Variants in LRGUK observed in about 807,000 individuals in gnomAD.
LRGUK encodes the protein leucine rich repeats and guanylate kinase domain containing, also known as leucine-rich repeat and guanylate kinase domain-containing protein.
LRGUK carries 65 observed loss-of-function variants against 76.0 expected under a neutral mutation model. The observed-to-expected ratio is 0.85, with a 90% CI of 0.70 to 1.05. The LOEUF (loss-of-function observed/expected upper bound fraction) is 1.05. LRGUK is among the 50% of genes least tolerant of loss of function. The probability of loss-of-function intolerance (pLI) is 0.00; values close to 1 mark genes in which losing one functional copy is unlikely to be tolerated. For synonymous variants in LRGUK, 268 were observed against 265.6 expected, an observed-to-expected ratio of 1.01 and a Z score of -0.09; for missense variants, 758 against 732.8, an observed-to-expected ratio of 1.03 and a Z score of -0.40.
chr7:134,202,013 G>A (rs1800793287), intron 15 of LRGUK, among the ~76,000 whole-genome samples: 1 of 152,184 alleles, frequency 6.6e-6, no homozygotes, highest in African/African-American at 2.4e-5. Flanking sequence ...AGTGGCAAGA[G>A]CCCTAGTCAT....
intron 14 of LRGUK, among the ~76,000 whole-genome samples, chr7:134,200,061 C>T (rs1353876758): frequency 5.9e-5 from 8 of 136,362 alleles, no homozygotes; most frequent in South Asian, 2.3e-4. Flanking sequence ...TAGAGAGTCT[C>T]GCTCTGTCAC....
chr7:134,272,766 A>G, the LRGUK span, among the ~76,000 whole-genome samples: 1 of 152,186 alleles, frequency 6.6e-6, no homozygotes, highest in African/African-American at 2.4e-5. Flanking sequence ...TCTTATTAAG[A>G]GTCTTGTGAT....
chr7:134,209,828 C>T (rs370733853), exon 16 of LRGUK: 11 of 399,292 alleles, frequency 2.8e-5, no homozygotes, highest in Middle Eastern at 1.3e-3. Context: ...TCTTATCAGT[C>T]CCCCCAGCCA....
At chr7:134,197,136 T>C (rs746748198) in intron 13 of LRGUK, 31 bp downstream of exon 13, 2 of 1,299,848 alleles carry the variant, frequency 1.5e-6, no homozygotes, top group Non-Finnish European at 2.2e-6. Context: ...AATTAATGTG[T>C]GTGTAGTTTG....
At chr7:134,255,787 G>C (rs1429410812) in intron 18 of LRGUK, among the ~76,000 whole-genome samples, 2 of 151,770 alleles carry the variant, frequency 1.3e-5, no homozygotes, top group African/African-American at 2.4e-5. Context: ...TTTGACACTT[G>C]CTGTTAACTA....
chr7:134,253,534 C>G (rs1802496920), intron 18 of LRGUK, among the ~76,000 whole-genome samples: 1 of 152,108 alleles, frequency 6.6e-6, no homozygotes, highest in Non-Finnish European at 1.5e-5. Flanking sequence ...TGATGTCAGG[C>G]CTGGGCGGCG....
At chr7:134,256,891 T>C (rs1436249760) in intron 18 of LRGUK, among the ~76,000 whole-genome samples, 1 of 152,234 alleles carries the variant, frequency 6.6e-6, no homozygotes, top group Non-Finnish European at 1.5e-5. Flanking sequence ...TGTTCACTGC[T>C]ATATCTCCTG....
At chr7:134,207,892 A>G (rs59664674) in intron 15 of LRGUK, among the ~76,000 whole-genome samples, 1,794 of 152,300 alleles carry the variant, frequency 0.012, 38 homozygotes, top group African/African-American at 0.042. Flanking sequence ...ACAAGCGCTC[A>G]CTGAACAAGT....
intron 6 of LRGUK, among the ~76,000 whole-genome samples, chr7:134,162,826 C>CAA (rs11445116): frequency 0.02 from 1,196 of 60,236 alleles, 43 homozygotes; most frequent in East Asian, 0.026. Context: ...GACTCCTTCT[C>CAA]AAAAAAAAAA....
At chr7:134,226,273 T>G (rs944395582) in intron 16 of LRGUK, among the ~76,000 whole-genome samples, 38 of 151,650 alleles carry the variant, frequency 2.5e-4, no homozygotes, top group African/African-American at 9.2e-4. Flanking sequence ...TCTGGTTCTG[T>G]TTCTGTTTCT....
chr7:134,177,922 A>G (rs1799550172), intron 9 of LRGUK, among the ~76,000 whole-genome samples: 1 of 152,196 alleles, frequency 6.6e-6, no homozygotes, highest in African/African-American at 2.4e-5. Context: ...AGGATAATGT[A>G]TTTAGAAGAA....
intron 10 of LRGUK, among the ~76,000 whole-genome samples, chr7:134,180,357 G>A (rs1222424): frequency 0.85 from 128,688 of 151,940 alleles, 55,199 homozygotes; most frequent in Non-Finnish European, 0.91. Flanking sequence ...GTACCTACCT[G>A]TATCTGTTCT....
intron 16 of LRGUK, among the ~76,000 whole-genome samples, chr7:134,228,770 A>T (rs983931182): frequency 1.3e-5 from 2 of 152,174 alleles, no homozygotes; most frequent in African/African-American, 4.8e-5. Flanking sequence ...AAGAGGGTAA[A>T]TGTAATAATA....
intron 10 of LRGUK, among the ~76,000 whole-genome samples, chr7:134,180,855 C>T (rs1473931945): frequency 6.6e-6 from 1 of 152,064 alleles, no homozygotes; most frequent in African/African-American, 2.4e-5. Flanking sequence ...ATTTTCATTA[C>T]CCCAAACAGA....
chr7:134,154,155 C>T (rs897404856), intron 5 of LRGUK, among the ~76,000 whole-genome samples: 7 of 152,038 alleles, frequency 4.6e-5, no homozygotes, highest in Non-Finnish European at 7.4e-5. Flanking sequence ...AGCTGGAATG[C>T]GGTATGATGA....
chr7:134,243,310 G>A (rs531474421), intron 16 of LRGUK, among the ~76,000 whole-genome samples: 4 of 152,132 alleles, frequency 2.6e-5, no homozygotes, highest in South Asian at 4.1e-4. Context: ...AAACCCCATC[G>A]TCTCAGCCCA....
intron 5 of LRGUK, among the ~76,000 whole-genome samples, chr7:134,149,834 T>C (rs999232518): frequency 6.6e-6 from 1 of 152,148 alleles, no homozygotes; most frequent in African/African-American, 2.4e-5. Context: ...TGTAGAGTGC[T>C]ACACAGGAAG....
intron 14 of LRGUK, among the ~76,000 whole-genome samples, chr7:134,199,975 G>T (rs1161471294): frequency 2.6e-5 from 2 of 78,032 alleles, no homozygotes; most frequent in African/African-American, 4.8e-5. Context: ...ATATATTCTA[G>T]AAACTTTTAT....
At position 134,255,393 on chromosome 7, in the gene LRGUK, G is replaced by C. The variant is rs186865901; in HGVS notation, c.2199-2864G>C. Among the ~76,000 whole-genome samples the C allele has an allele frequency of 2.1e-4, 32 of 152,330 alleles. No individual in the cohort carries two copies. In the East Asian group the frequency reaches 5.4e-3, roughly 26 times the overall value. ...CTATCAAGTCTCAGAGCTGAGGTCT[G>C]AACCAAAGCCAAAAGGCTCGAATCT... On this transcript the variant is annotated intron_variant, in intron 18 of 19. Transcript: ENST00000285928.
Sources: allele counts gnomAD v4.1 joint callset (sites outside exome capture counted in the v4.1 genomes callset), GRCh38; gene constraint gnomAD v4.1.1; transcripts MANE v1.5; gene names NCBI Gene and HGNC (gene_info 2026-07-23, HGNC 2026-07-21).